SEC14L2: variants seen among roughly 807,000 people sequenced by gnomAD.
SEC14L2 encodes SEC14 like lipid binding 2.
Under a neutral mutation model 56.9 loss-of-function variants are expected in SEC14L2, and 50 were observed. The observed-to-expected ratio is 0.88, with a 90% confidence interval of 0.70 to 1.11. The LOEUF (loss-of-function observed/expected upper bound fraction) is 1.11. Ranked by LOEUF, SEC14L2 falls within the 50% of genes most tolerant of loss-of-function variation. The probability of loss-of-function intolerance (pLI) is 0.00; values close to 1 mark genes in which losing one functional copy is unlikely to be tolerated. For missense variants in SEC14L2, 414 were observed against 500.7 expected (o/e 0.83, Z 1.65); for synonymous variants, 179 against 188.5 (o/e 0.95, Z 0.41).
At chr22:30,399,798 C>T (rs1933875175) in intron 2 of SEC14L2, 80 bp downstream of exon 2, 5 of 1,312,164 alleles carry the variant, frequency 3.8e-6, no homozygotes, top group Admixed American at 2.1e-5. Context: ...AAACCCTGCC[C>T]TTGGCAATTG....
Position 30,407,581 on chromosome 22 carries a change from A to T in SEC14L2, c.401A>T (p.Glu134Val), listed in dbSNP as rs376081722. 34 of 1,613,940 alleles carry T rather than the reference A, an allele frequency of 2.1e-5. No individual in the cohort carries two copies. Among genetic ancestry groups the T allele is most frequent in the Non-Finnish European group, 2.9e-5 (34 of 1,180,004 alleles). ...CGGGAGTGTGAGCTGCTTCTGCAAG[A>T]GTGTGCCCACCAGACCACAAAGGTG... The part of the protein sequence containing the change: ...KMRECELLLQ[E>V]CAHQTTKLGR... Residue 134 changes from glutamate to valine, a missense_variant, in exon 5 of 12, where the codon GAG becomes GTG. Physicochemically the swap from Glu to Val is moderately radical, Grantham distance 121. Transcript: ENST00000615189.
chr22:30,397,753 C>A, intron 1 of SEC14L2: 1 of 420,254 alleles, frequency 2.4e-6, no homozygotes, highest in Non-Finnish European at 5.0e-6. Flanking sequence ...TTCCAGGCTC[C>A]CCCCATGAGG....
chr22:30,423,470 G>T lies in SEC14L2; in HGVS notation c.*1063G>T, dbSNP rs1406342122. 6.6e-6 allele frequency: 1 copy of T among 152,654 alleles called. No homozygotes were observed. The highest frequency in any genetic ancestry group is 1.5e-5 in the Non-Finnish European group (1 of 68,176). 9.5% of individuals were successfully genotyped at this position (152,654 alleles called of 1,614,324 possible). On this transcript the variant is annotated 3_prime_UTR_variant, in exon 12 of 12. Transcript: ENST00000615189. ...CCAGGCCTGGAGGCCCCCCAGGCAG[G>T]AGGCCGCCCAAAGGCGGGGCCGGCG... is the stretch of plus-strand genomic sequence containing the variant.
chr22:30,404,009 C>CAAAAAA (rs67366822), intron 2 of SEC14L2, among the ~76,000 whole-genome samples: 8 of 93,216 alleles, frequency 8.6e-5, no homozygotes, highest in South Asian at 3.4e-4. Context: ...GACTCCGTCT[C>CAAAAAA]AAAAAAAAAA....
chr22:30,414,400 C>T (rs139560799), intron 8 of SEC14L2, among the ~76,000 whole-genome samples: 72 of 152,266 alleles, frequency 4.7e-4, no homozygotes, highest in African/African-American at 1.6e-3. Flanking sequence ...TGGGAAGATA[C>T]AGAATTTTCA....
rs1248353568 is a variant in SEC14L2, at chr22:30,410,643, A to G, written c.628A>G (p.Ser210Gly). Residue 210 changes from serine (S) to glycine (G), a missense_variant, in exon 8 of 12, where the codon AGT (serine) becomes GGT (glycine). By Grantham distance (56) the Ser-to-Gly change is moderately conservative. Coordinates refer to ENST00000615189, the MANE Select transcript of SEC14L2 (RefSeq NM_012429.5). ...VAYNLIKPFL[S>G]EDTRKKIMVL... is the part of the protein sequence containing the mutation. ...CTATAACCTCATCAAACCCTTCCTG[A>G]GTGAGGACACTCGTAAGAAGATCAT... 1 of 1,614,058 alleles carries G rather than the reference A, an allele frequency of 6.2e-7. No individual in the cohort carries two copies. The highest frequency in any genetic ancestry group is 8.5e-7 in the Non-Finnish European group (1 of 1,180,024).
At chr22:30,407,704 A>T in intron 5 of SEC14L2, 101 bp downstream of exon 5, 1 of 1,015,946 alleles carries the variant, frequency 9.8e-7, no homozygotes, top group Non-Finnish European at 1.4e-6. Flanking sequence ...TTCAGGGCCA[A>T]GGCCCAGCCT....
At chr22:30,416,812 C>G in intron 11 of SEC14L2, 2 of 1,144,230 alleles carry the variant, frequency 1.7e-6, no homozygotes, top group South Asian at 2.8e-5. Context: ...AAAAGTGCAG[C>G]CTTCACCCCT....
At chr22:30,418,575 T>G (rs1264995840) in intron 11 of SEC14L2, among the ~76,000 whole-genome samples, 4 of 152,234 alleles carry the variant, frequency 2.6e-5, no homozygotes, top group Non-Finnish European at 5.9e-5. Context: ...TTTAGTTCCT[T>G]CTGGATACAT....
chr22:30,418,790 T>C (rs1331638431), intron 11 of SEC14L2, among the ~76,000 whole-genome samples: 1 of 152,140 alleles, frequency 6.6e-6, no homozygotes, highest in Non-Finnish European at 1.5e-5. Context: ...TGCAAGCTCA[T>C]CTGCGGGAGG....
chr22:30,415,770 G>C lies in SEC14L2; in HGVS notation c.676G>C (p.Glu226Gln), dbSNP rs1268668102. The C allele has an allele frequency of 1.2e-5, 20 of 1,613,976 alleles. No individual in the cohort carries two copies. Among genetic ancestry groups the C allele is most frequent in the Non-Finnish European group, 1.7e-5 (20 of 1,179,982 alleles). The change falls in exon 9 of 12, where the codon GAG (glutamate) becomes CAG (glutamine). Residue 226 changes from glutamate to glutamine, a missense_variant. Physicochemically the swap from Glu to Gln is conservative, Grantham distance 29 (BLOSUM62 2). Coordinates refer to ENST00000615189, the MANE Select transcript of SEC14L2 (RefSeq NM_012429.5). ...KIMVLGANWK[E>Q]VLLKHISPDQ... is the part of the protein sequence containing the mutation. Reference sequence around the variant, plus strand: ...CCCTCTCCTGCCAGCAAATTGGAAGGAGGTTTTACTGAAACATATCAGCCC... The same window carrying C: ...CCCTCTCCTGCCAGCAAATTGGAAGCAGGTTTTACTGAAACATATCAGCCC...
At chr22:30,419,551 A>C (rs1341574046) in intron 11 of SEC14L2, among the ~76,000 whole-genome samples, 1 of 152,168 alleles carries the variant, frequency 6.6e-6, no homozygotes, top group Non-Finnish European at 1.5e-5. Flanking sequence ...TCAAAACAAC[A>C]ACAACAACAA....
At chr22:30,414,693 T>G (rs1033176786) in intron 8 of SEC14L2, among the ~76,000 whole-genome samples, 1 of 151,886 alleles carries the variant, frequency 6.6e-6, no homozygotes, top group African/African-American at 2.4e-5. Context: ...GAATTTGGAT[T>G]GGTGAAGTGG....
At chr22:30,421,275 C>G (rs1934511244) in intron 11 of SEC14L2, 1 of 152,200 alleles carries the variant, frequency 6.6e-6, no homozygotes, top group East Asian at 1.9e-4. Flanking sequence ...TTTCAGGAAA[C>G]TTTCCCATTA....
In SEC14L2 at chr22:30,409,167, C is replaced by G; in HGVS notation, c.424-20C>G. 1.9e-6 allele frequency: 3 copies of G among 1,609,254 alleles called. No homozygotes were observed. In the Admixed American group the frequency reaches 5.0e-5, roughly 27 times the overall value. On this transcript the variant is annotated intron_variant, in intron 5 of 11. Coordinates refer to ENST00000615189, the MANE Select transcript of SEC14L2 (RefSeq NM_012429.5). ...AAGTAGGACAGCCTGACAAGACTTC[C>G]TGCTCTCTGTTCCCTGCAGTTGGGG...
chr22:30,404,404 G>A (rs1419855934), intron 2 of SEC14L2, among the ~76,000 whole-genome samples: 2 of 152,146 alleles, frequency 1.3e-5, no homozygotes, highest in Admixed American at 6.5e-5. Flanking sequence ...TTTTCATAAC[G>A]GCAGAGTCAG....
Position 30,422,276 on chromosome 22 carries a change from G to T in SEC14L2, c.1082-1G>T, listed in dbSNP as rs756852323. ...TCTGTCTGGTTTCTGCCTTCCCTCA[G>T]ATGTCCTGCGGTTTGACAACACCTA... On this transcript the variant is annotated splice_acceptor_variant, in intron 11 of 11. Transcript: ENST00000615189. LOFTEE classifies it high-confidence loss of function. 2 of 1,614,076 alleles carry T rather than the reference G, an allele frequency of 1.2e-6. No individual in the cohort carries two copies. The highest frequency in any genetic ancestry group is 3.3e-5 in the Admixed American group (2 of 60,014).
chr22:30,402,102 T>TC (rs1933954393), intron 2 of SEC14L2, among the ~76,000 whole-genome samples: 1 of 151,704 alleles, frequency 6.6e-6, no homozygotes, highest in Admixed American at 6.6e-5. Context: ...TTCCATACCA[T>TC]CCCCCTACCC....
At chr22:30,413,339 A>C (rs1934303146) in intron 8 of SEC14L2, among the ~76,000 whole-genome samples, 2 of 152,204 alleles carry the variant, frequency 1.3e-5, no homozygotes, top group Non-Finnish European at 2.9e-5. Context: ...AAAACCCAGC[A>C]AAGAGGACAC....
Sources: allele counts gnomAD v4.1 joint callset (sites outside exome capture counted in the v4.1 genomes callset), GRCh38; gene constraint gnomAD v4.1.1; transcripts MANE v1.5; gene names NCBI Gene and HGNC (gene_info 2026-07-23, HGNC 2026-07-21).